CACNA1C: variants seen among roughly 807,000 people sequenced by gnomAD.
The protein encoded by CACNA1C is calcium voltage-gated channel subunit alpha1 C, also known as voltage-dependent L-type calcium channel subunit alpha-1C.
A neutral mutation model predicts 229.0 loss-of-function variants in CACNA1C; 30 were observed. The observed-to-expected ratio is 0.13, with a 90% CI of 0.10 to 0.18. The LOEUF (loss-of-function observed/expected upper bound fraction) is 0.18, where lower values mean the gene tolerates loss of function less well. Among genes scored for constraint, CACNA1C ranks in the 10% least tolerant of loss-of-function variants. The pLI is 1.00. For missense variants in CACNA1C, 1,658 were observed against 2,845.0 expected (o/e 0.58, Z 9.49); for synonymous variants, 1,114 against 1,132.5 (o/e 0.98, Z 0.33).
At chr12:2,027,637 G>A (rs1325368231) in intron 1 of CACNA1C, among the ~76,000 whole-genome samples, 2 of 152,276 alleles carry the variant, frequency 1.3e-5, no homozygotes, top group South Asian at 2.1e-4. Flanking sequence ...TGACTTGAGC[G>A]TGGGCATTTA....
At chr12:2,609,425 G>T (rs952012933) in intron 27 of CACNA1C, among the ~76,000 whole-genome samples, 3 of 151,822 alleles carry the variant, frequency 2.0e-5, no homozygotes, top group African/African-American at 7.3e-5. Flanking sequence ...CCCTCGCCAG[G>T]CCAGCCAGTC....
rs2095876497 is a variant in CACNA1C, at chr12:2,319,713, G to A, written c.478-129263G>A. Among the ~76,000 whole-genome samples the A allele has an allele frequency of 1.3e-5, 2 of 152,174 alleles. No individual in the cohort carries two copies. The highest frequency in any genetic ancestry group is 6.5e-5 in the Admixed American group (1 of 15,282). Reference sequence around the variant, plus strand: ...AATTTGATCTGGGGTGTCTGCAAATGTTGGTGCTCACGGGGGTGTGCTGGG... The same window carrying A: ...AATTTGATCTGGGGTGTCTGCAAATATTGGTGCTCACGGGGGTGTGCTGGG... On this transcript the variant is annotated intron_variant, in intron 3 of 46. Transcript: ENST00000399655. The surrounding 1 kb of genome is among the most constrained non-coding windows in gnomAD (Gnocchi z 4.0).
intron 3 of CACNA1C, among the ~76,000 whole-genome samples, chr12:2,282,247 C>T (rs2091497870): frequency 6.6e-6 from 1 of 152,168 alleles, no homozygotes; most frequent in Non-Finnish European, 1.5e-5. Context: ...CTTCGCAGGA[C>T]TTGACATTTT....
Position 2,151,362 on chromosome 12 carries a change from GAA to G in CACNA1C, c.477+30946_477+30947del, listed in dbSNP as rs537213554. 6.7e-3 allele frequency among the ~76,000 whole-genome samples: 849 copies of G among 127,256 alleles called. 7 individuals carry two copies. Among genetic ancestry groups the G allele is most frequent in the African/African-American group, 0.022 (788 of 36,494 alleles). The allele number at this position is 127,256 out of a possible 152,430, so 83.5% of individuals were successfully genotyped here. On this transcript the variant is annotated intron_variant, in intron 3 of 46. Transcript: ENST00000399655. Reference sequence around the variant, plus strand: ...TACCACTGGCTGACCAGTGGTAGCTGAAAAAAAAAAAAAAAGGGATTTGAGAT... The same window carrying G: ...TACCACTGGCTGACCAGTGGTAGCTGAAAAAAAAAAAAAGGGATTTGAGAT...
intron 3 of CACNA1C, among the ~76,000 whole-genome samples, chr12:2,316,866 G>C (rs2095717082): frequency 6.6e-6 from 1 of 152,190 alleles, no homozygotes; most frequent in African/African-American, 2.4e-5. Context: ...GGAGAATGCG[G>C]ACACTACCGG....
intron 3 of CACNA1C, among the ~76,000 whole-genome samples, chr12:2,246,333 G>A (rs894781593): frequency 3.3e-5 from 5 of 152,158 alleles, no homozygotes; most frequent in African/African-American, 9.7e-5. Flanking sequence ...GGGGGCCGAG[G>A]CTGAATTCTG....
intron 1 of CACNA1C, among the ~76,000 whole-genome samples, chr12:2,057,986 C>T (rs977735526): frequency 3.3e-5 from 5 of 152,166 alleles, no homozygotes; most frequent in Non-Finnish European, 7.3e-5. Flanking sequence ...AGTTGATTTC[C>T]GTTTATGAGT....
intron 3 of CACNA1C, among the ~76,000 whole-genome samples, chr12:2,122,063 T>G (rs188104628): frequency 9.9e-4 from 151 of 152,308 alleles, no homozygotes; most frequent in African/African-American, 3.2e-3. Context: ...AGCCCTGGGC[T>G]GGCTGAGACC....
At chr12:2,355,098 A>G (rs1040493604) in intron 3 of CACNA1C, among the ~76,000 whole-genome samples, 7 of 152,164 alleles carry the variant, frequency 4.6e-5, no homozygotes, top group African/African-American at 1.7e-4. Flanking sequence ...CCGGGTATTT[A>G]TCATGCTTAC....
At chr12:2,489,462 G>A (rs748307609) in intron 6 of CACNA1C, among the ~76,000 whole-genome samples, 28 of 152,274 alleles carry the variant, frequency 1.8e-4, no homozygotes, top group Admixed American at 7.8e-4. Context: ...TCTGCAAGGC[G>A]CCTTCTCAGC....
At chr12:2,071,651 A>G (rs2061390566) in intron 1 of CACNA1C, among the ~76,000 whole-genome samples, 1 of 151,900 alleles carries the variant, frequency 6.6e-6, no homozygotes, top group Admixed American at 6.6e-5. Context: ...TTCATATTCC[A>G]TATTTTGTTA....
rs767103463 is a variant in CACNA1C at position 2,115,188 on chromosome 12, C to G, written c.50-36C>G. The G allele has an allele frequency of 5.5e-6, 8 of 1,443,276 alleles. No homozygotes were observed. In the South Asian group the frequency reaches 9.9e-5, roughly 18 times the overall value. The allele number at this position is 1,443,276 out of a possible 1,614,324, so 89.4% of individuals were successfully genotyped here. On this transcript the variant is annotated intron_variant, in intron 1 of 46. Coordinates refer to ENST00000399655, the MANE Select transcript of CACNA1C (RefSeq NM_000719.7). The stretch of plus-strand genomic sequence containing the variant: ...TGTCGGAAGTGCCCCTGTTTTCTAT[C>G]TAGTAACTGTTGTGTTCTTTTCTCT...
intron 3 of CACNA1C, among the ~76,000 whole-genome samples, chr12:2,341,948 C>T (rs575005723): frequency 2.1e-4 from 32 of 152,308 alleles, no homozygotes; most frequent in Non-Finnish European, 2.6e-4. Context: ...CTGATAGCCT[C>T]GGATTTGGGG....
chr12:2,633,774 T>TTC lies in CACNA1C; in HGVS notation c.3829-512_3829-511dup, dbSNP rs949277728. 3.0e-5 allele frequency: 27 copies of TTC among 897,814 alleles called. No homozygotes were observed. Among genetic ancestry groups the TTC allele is most frequent in the African/African-American group, 2.5e-4 (15 of 59,974 alleles). The allele number at this position is 897,814 out of a possible 1,614,324, so 55.6% of individuals were successfully genotyped here. Reference sequence around the variant, plus strand: ...ATTCCTCCTCCTCTGCCTCGTCTATTTCTCTCTCTCTCACTCTCTCTGTTT... The same window carrying TTC: ...ATTCCTCCTCCTCTGCCTCGTCTATTTCTCTCTCTCTCTCACTCTCTCTGTTT... On this transcript the variant is annotated intron_variant, in intron 29 of 46. Transcript: ENST00000399655. This position sits in a 1 kb window ranked among gnomAD's most constrained non-coding sequence, Gnocchi z 5.8.
Position 2,666,805 on chromosome 12 carries a change from G to C in CACNA1C, c.4623+23G>C, listed in dbSNP as rs1569145521. Reference sequence around the variant, plus strand: ...AAAGTAAGAGATAACGGGGTTCATGGGAGGGAGAGGGAAAATAGGGGAAGT... The same window carrying C: ...AAAGTAAGAGATAACGGGGTTCATGCGAGGGAGAGGGAAAATAGGGGAAGT... On this transcript the variant is annotated intron_variant, in intron 37 of 46. Transcript: ENST00000399655. The surrounding 1 kb of genome is among the most constrained non-coding windows in gnomAD (Gnocchi z 5.3). The C allele has an allele frequency of 2.1e-6, 3 of 1,416,394 alleles. No individual in the cohort carries two copies. In the Middle Eastern group the frequency reaches 5.2e-4, roughly 248 times the overall value. The allele number at this position is 1,416,394 out of a possible 1,614,324, so 87.7% of individuals were successfully genotyped here.
chr12:2,220,856 T>C (rs2061280795), intron 3 of CACNA1C: 1 of 152,250 alleles, frequency 6.6e-6, no homozygotes, highest in South Asian at 2.1e-4. Flanking sequence ...TTACATTCTC[T>C]GTGCATATGA....
chr12:2,652,721 A>G (rs527709542), intron 32 of CACNA1C, among the ~76,000 whole-genome samples: 194 of 152,282 alleles, frequency 1.3e-3, no homozygotes, highest in Non-Finnish European at 2.2e-3. Flanking sequence ...GGAGCTCCCA[A>G]TGGCCAGGCT....
At chr12:2,263,808 G>A (rs1175329538) in intron 3 of CACNA1C, among the ~76,000 whole-genome samples, 4 of 152,032 alleles carry the variant, frequency 2.6e-5, no homozygotes, top group African/African-American at 7.2e-5. Flanking sequence ...GTTGGGGTGG[G>A]GGAGGCTCAA....
intron 46 of CACNA1C, 179 bp from the exon 47 acceptor site, chr12:2,690,721 C>T (rs1005006888): frequency 9.9e-6 from 6 of 607,488 alleles, no homozygotes; most frequent in South Asian, 7.9e-5. Flanking sequence ...CTGGCAGATG[C>T]TCCATCTCCA....
Sources: gnomAD v4.1 joint callset for allele counts (sites outside exome capture counted in the v4.1 genomes callset) on GRCh38, gnomAD v4.1.1 for gene constraint, Gnocchi (gnomAD v3.1) non-coding constraint, MANE v1.5 for transcripts, NCBI Gene and HGNC (gene_info 2026-07-23, HGNC 2026-07-21) for gene names.